Variants in SLC25A19 observed in about 807,000 individuals in gnomAD.
SLC25A19 encodes solute carrier family 25 member 19.
In SLC25A19, 18 loss-of-function variants were observed where a neutral mutation model predicts 27.9. The ratio of observed to expected loss-of-function variants is 0.64; its 90% CI spans 0.45 to 0.96. SLC25A19 has a LOEUF of 0.96. Ranked by LOEUF, SLC25A19 falls within the 40% of genes least tolerant of loss-of-function variation. SLC25A19 has a pLI of 0.00. For synonymous variants in SLC25A19, 169 were observed against 167.1 expected (o/e 1.01, Z -0.09); for missense variants, 371 against 418.3 (o/e 0.89, Z 0.99).
chr17:75,277,227 G>T, intron 7 of SLC25A19, 126 bp downstream of exon 7: 2 of 1,236,738 alleles, frequency 1.6e-6, no homozygotes, highest in Non-Finnish European at 2.3e-6. Flanking sequence ...CTCAAGGAAT[G>T]GACGCAGGTG....
chr17:75,280,427 T>C (rs1427066536), intron 5 of SLC25A19, among the ~76,000 whole-genome samples: 1 of 152,054 alleles, frequency 6.6e-6, no homozygotes, highest in Admixed American at 6.5e-5. Context: ...CCCAGCACTT[T>C]GGGAGGCTCA....
At chr17:75,274,971 G>GTT (rs1303503438) in intron 7 of SLC25A19, among the ~76,000 whole-genome samples, 14 of 73,896 alleles carry the variant, frequency 1.9e-4, no homozygotes, top group East Asian at 3.7e-4. Context: ...AGGGATTTTG[G>GTT]TCTTTTTTTT....
At chr17:75,280,382 A>T (rs1175668039) in intron 5 of SLC25A19, among the ~76,000 whole-genome samples, 1 of 151,584 alleles carries the variant, frequency 6.6e-6, no homozygotes. Flanking sequence ...AAAATAAAGA[A>T]AAAAAGCCCA....
chr17:75,279,718 A>C (rs1364526163), intron 5 of SLC25A19, among the ~76,000 whole-genome samples: 4 of 152,064 alleles, frequency 2.6e-5, no homozygotes, highest in African/African-American at 9.7e-5. Flanking sequence ...CATGTTGGCC[A>C]GGATGATCTC....
intron 4 of SLC25A19, among the ~76,000 whole-genome samples, chr17:75,284,039 G>A (rs568815743): frequency 3.8e-4 from 56 of 147,334 alleles, no homozygotes; most frequent in African/African-American, 1.4e-3. Flanking sequence ...ACTTGAACCC[G>A]GGAGGCAGAG....
chr17:75,279,078 G>C (rs371224826), intron 5 of SLC25A19, among the ~76,000 whole-genome samples: 11 of 151,400 alleles, frequency 7.3e-5, no homozygotes, highest in African/African-American at 2.7e-4. Context: ...AACTGGTCTC[G>C]AACTCCTGAC....
intron 7 of SLC25A19, among the ~76,000 whole-genome samples, chr17:75,276,352 C>G (rs567262181): frequency 6.6e-6 from 1 of 152,172 alleles, no homozygotes; most frequent in Non-Finnish European, 1.5e-5. Context: ...AGAACAGCTA[C>G]AGCAAAACCC....
rs2078052232 is a variant in SLC25A19, at chr17:75,282,086, A to G, written c.459+1337T>C. Among the ~76,000 whole-genome samples the G allele has an allele frequency of 4.7e-5, 7 of 150,506 alleles. No individual in the cohort carries two copies. The South Asian group carries it at 1.5e-3, about 32-fold the overall frequency. On this transcript the variant is annotated intron_variant, in intron 5 of 7. Coordinates refer to ENST00000416858, the MANE Select transcript of SLC25A19 (RefSeq NM_001126121.2). ...AGAGTTCAAGACCAGACTGGGCAAC[A>G]TGACGAAACCCCGTCTCTAAAAAAA... is the stretch of plus-strand genomic sequence containing the variant.
intron 5 of SLC25A19, 102 bp from the exon 6 acceptor site, chr17:75,278,437 G>A: frequency 3.1e-6 from 4 of 1,294,528 alleles, no homozygotes; most frequent in Non-Finnish European, 4.4e-6. Flanking sequence ...CAGCTACCAG[G>A]AGCGAAACTC....
At position 75,274,186 on chromosome 17, in the gene SLC25A19, G is replaced by C. The variant is rs376839027; in HGVS notation, c.775-547C>G. On this transcript the variant is annotated intron_variant, in intron 7 of 7. Coordinates refer to ENST00000416858, the MANE Select transcript of SLC25A19 (RefSeq NM_001126121.2). ...CTGCCCAGGAAGAACGGCTGCCTGTGGCTCCAAAGGATCCAGCAATGGCTC... is the reference window on the plus strand; with the variant it reads ...CTGCCCAGGAAGAACGGCTGCCTGTCGCTCCAAAGGATCCAGCAATGGCTC... Among the ~76,000 whole-genome samples, 70 of 152,300 alleles carry C rather than the reference G, an allele frequency of 4.6e-4. 3 individuals carry two copies. The highest frequency in any genetic ancestry group is 1.6e-3 in the African/African-American group (68 of 41,554).
At chr17:75,277,149 T>C (rs1472390927) in intron 7 of SLC25A19, among the ~76,000 whole-genome samples, 5 of 151,684 alleles carry the variant, frequency 3.3e-5, no homozygotes, top group Non-Finnish European at 2.9e-5. Context: ...TGTATGTCCT[T>C]GGCCCAGATC....
At chr17:75,281,004 A>G (rs2078026904) in intron 5 of SLC25A19, among the ~76,000 whole-genome samples, 1 of 151,464 alleles carries the variant, frequency 6.6e-6, no homozygotes. Flanking sequence ...GAGCAACATA[A>G]TGAGACCCTG....
At chr17:75,279,731 T>A (rs1381635660) in intron 5 of SLC25A19, among the ~76,000 whole-genome samples, 4 of 152,090 alleles carry the variant, frequency 2.6e-5, no homozygotes, top group African/African-American at 9.7e-5. Flanking sequence ...ATGATCTCGA[T>A]CTCCTGACCT....
chr17:75,277,252 A>G (rs765472617), intron 7 of SLC25A19, 101 bp downstream of exon 7: 16 of 1,494,468 alleles, frequency 1.1e-5, no homozygotes, highest in African/African-American at 1.4e-5. Flanking sequence ...GGCCATGGCC[A>G]GGGGTGATGT....
intron 6 of SLC25A19, 42 bp from the exon 7 acceptor site, chr17:75,277,525 T>C: frequency 6.2e-7 from 1 of 1,611,790 alleles, no homozygotes; most frequent in East Asian, 2.2e-5. Flanking sequence ...ATGAGAGAAA[T>C]GCAGTCTATG....
At chr17:75,285,966 G>A (rs1295598872) in intron 4 of SLC25A19, among the ~76,000 whole-genome samples, 4 of 152,324 alleles carry the variant, frequency 2.6e-5, no homozygotes, top group African/African-American at 7.2e-5. Flanking sequence ...TCCTCATGAC[G>A]GTGTGGTGAA....
Position 75,273,557 on chromosome 17 carries a change from G to T in SLC25A19, c.857C>A (p.Ser286Tyr). 6.2e-7 allele frequency: 1 copy of T among 1,614,136 alleles called. No homozygotes were observed. Among genetic ancestry groups the T allele is most frequent in the South Asian group, 1.1e-5 (1 of 91,080 alleles). ...EGALGFFKGLSPSLLKAALST... is the reference protein window; with the variant it reads ...EGALGFFKGLYPSLLKAALST... ...GAGGGCAGCCTTCAGCAAGCTGGGG[G>T]ACAGGCCCTTGAAGAAGCCCAGGGC... The change falls in exon 8 of 8, where the codon TCC (serine) becomes TAC (tyrosine). Residue 286 changes from serine to tyrosine, a missense_variant. Physicochemically the swap from Ser to Tyr is moderately radical, Grantham distance 144. Transcript: ENST00000416858.
intron 5 of SLC25A19, among the ~76,000 whole-genome samples, chr17:75,279,313 T>A (rs1307230686): frequency 6.6e-6 from 1 of 152,166 alleles, no homozygotes; most frequent in Admixed American, 6.5e-5. Context: ...ATACATCTTA[T>A]ATGTTGTAAA....
Position 75,273,265 on chromosome 17 carries a change from T to C in SLC25A19, c.*186A>G. 1 of 623,936 alleles carries C rather than the reference T, an allele frequency of 1.6e-6. No individual in the cohort carries two copies. Among genetic ancestry groups the C allele is most frequent in the Non-Finnish European group, 2.8e-6 (1 of 356,590 alleles). The allele number at this position is 623,936 out of a possible 1,614,324, so 38.6% of individuals were successfully genotyped here. A position where few individuals can be genotyped will look rare whatever the true frequency, so the allele number is the denominator to read the frequency against. ...ACCATAGACCACGTCCTGCATTCCC[T>C]CTGATTCTCTCATGGGGAGAGCCCT... On this transcript the variant is annotated 3_prime_UTR_variant, in exon 8 of 8. Transcript: ENST00000416858.
Sources: allele counts gnomAD v4.1 joint callset (sites outside exome capture counted in the v4.1 genomes callset), GRCh38; gene constraint gnomAD v4.1.1; transcripts MANE v1.5; gene names NCBI Gene and HGNC (gene_info 2026-07-23, HGNC 2026-07-21).